Variants in RIPOR2 observed in about 807,000 individuals in gnomAD.
The protein encoded by RIPOR2 is rho family-interacting cell polarization regulator 2.
A neutral mutation model predicts 114.5 loss-of-function variants in RIPOR2; 39 were observed. The ratio of observed to expected loss-of-function variants is 0.34; its 90% CI spans 0.26 to 0.44. RIPOR2 has a LOEUF of 0.44. Ranked by LOEUF, RIPOR2 falls within the 20% of genes least tolerant of loss-of-function variation. The pLI is 1.00. For missense variants in RIPOR2, 1,007 were observed against 1,255.1 expected (o/e 0.80, Z 2.99); for synonymous variants, 445 against 484.4 (o/e 0.92, Z 1.07).
chr6:24,956,290 T>G (rs364555), intron 1 of RIPOR2, among the ~76,000 whole-genome samples: 120,762 of 152,090 alleles, frequency 0.79, 51,548 homozygotes, highest in East Asian at 0.96. Flanking sequence ...ATCATAAATA[T>G]TTTTGCATGA....
Position 24,828,180 on chromosome 6 carries a change from G to A in RIPOR2, c.2622C>T (p.Gly874=), listed in dbSNP as rs1164060866. The A allele has an allele frequency of 3.2e-6, 5 of 1,550,406 alleles. No individual in the cohort carries two copies. Among genetic ancestry groups the A allele is most frequent in the South Asian group, 1.2e-5 (1 of 83,968 alleles). Reference sequence around the variant, plus strand: ...TCAGGTAACTCTCCAGGTCACTGACGCCGTGGCTGGTGAAGTAACTGTAAT... The same window carrying A: ...TCAGGTAACTCTCCAGGTCACTGACACCGTGGCTGGTGAAGTAACTGTAAT... ...FQYYSYFTSH[G]VSDLESYLSQ... Residue 874 remains glycine, a synonymous_variant, in exon 18 of 22, where the codon GGC becomes GGT. Coordinates refer to ENST00000643898, the MANE Select transcript of RIPOR2 (RefSeq NM_001286445.3).
rs1271765846 is a variant in RIPOR2 at position 24,804,777 on chromosome 6, G to A, written c.*1596C>T. 6.6e-6 allele frequency: 1 copy of A among 152,156 alleles called. No homozygotes were observed. Among genetic ancestry groups the A allele is most frequent in the Non-Finnish European group, 1.5e-5 (1 of 68,026 alleles). 9.4% of individuals were successfully genotyped at this position (152,156 alleles called of 1,614,324 possible). A position where few individuals can be genotyped will look rare whatever the true frequency, so the allele number is the denominator to read the frequency against. ...ATGATACAAACACGTCCATAGTACAGTTGATATTCCACAGTTTAAATTACA... is the reference window on the plus strand; with the variant it reads ...ATGATACAAACACGTCCATAGTACAATTGATATTCCACAGTTTAAATTACA... On this transcript the variant is annotated 3_prime_UTR_variant, in exon 22 of 22. Transcript: ENST00000643898.
intron 1 of RIPOR2, among the ~76,000 whole-genome samples, chr6:24,895,775 G>A (rs6914059): frequency 0.034 from 5,116 of 152,208 alleles, 98 homozygotes; most frequent in African/African-American, 0.051. Context: ...TGGATCACGA[G>A]GTCAGGAGAT....
chr6:24,974,325 G>A (rs747297038), intron 1 of RIPOR2, among the ~76,000 whole-genome samples: 2 of 152,094 alleles, frequency 1.3e-5, no homozygotes, highest in African/African-American at 2.4e-5. Flanking sequence ...AGCCGTGATC[G>A]TGCCTCTGCA....
chr6:24,891,884 G>A (rs1024518489), intron 1 of RIPOR2, among the ~76,000 whole-genome samples: 7 of 151,932 alleles, frequency 4.6e-5, no homozygotes, highest in South Asian at 4.2e-4. Context: ...TTTGAGACAG[G>A]GTTTTGCTTT....
At chr6:25,012,546 AAAG>A (rs1775815965) in intron 1 of RIPOR2, among the ~76,000 whole-genome samples, 1 of 152,246 alleles carries the variant, frequency 6.6e-6, no homozygotes. Flanking sequence ...TTGTCTATAA[AAAG>A]GATGAAAGTA....
chr6:24,828,860 T>G (rs1760425177), intron 17 of RIPOR2, among the ~76,000 whole-genome samples: 1 of 152,176 alleles, frequency 6.6e-6, no homozygotes, highest in Admixed American at 6.5e-5. Flanking sequence ...ACTAACAATC[T>G]GACTTCTATC....
intron 1 of RIPOR2, among the ~76,000 whole-genome samples, chr6:24,935,426 A>G (rs1771729196): frequency 6.6e-6 from 1 of 151,990 alleles, no homozygotes; most frequent in African/African-American, 2.4e-5. Context: ...TCAAAGCAAC[A>G]TGGTACCATG....
chr6:24,880,257 A>G (rs1433778475), intron 1 of RIPOR2, among the ~76,000 whole-genome samples: 1 of 152,230 alleles, frequency 6.6e-6, no homozygotes, highest in Admixed American at 6.5e-5. Context: ...AGGAATGGTT[A>G]ACACTCAAAA....
intron 13 of RIPOR2, chr6:24,839,796 G>A: frequency 1.5e-6 from 2 of 1,367,454 alleles, no homozygotes. Context: ...CTAATTCCAA[G>A]TGGCAATGTC....
intron 1 of RIPOR2, among the ~76,000 whole-genome samples, chr6:24,887,388 T>C (rs1766932360): frequency 1.3e-5 from 2 of 152,204 alleles, no homozygotes; most frequent in Admixed American, 1.3e-4. Context: ...CTAATTTTTT[T>C]TATGAATAAA....
At chr6:24,980,696 A>G (rs773965272) in intron 1 of RIPOR2, among the ~76,000 whole-genome samples, 1 of 152,194 alleles carries the variant, frequency 6.6e-6, no homozygotes, top group Non-Finnish European at 1.5e-5. Flanking sequence ...GCAAGTGGGT[A>G]TAAAGGCAAG....
At position 24,842,890 on chromosome 6, in the gene RIPOR2, T is replaced by C. The variant is rs1251921410; in HGVS notation, c.1829A>G (p.Glu610Gly). ...TAGAATATCATCCAAATTCATGACT[T>C]CTTGGTTCAGATCCTGAAACTCTTT... ...QYKEFQDLNQEVMNLDDILKC... is the reference protein window; with the variant it reads ...QYKEFQDLNQGVMNLDDILKC... Residue 610 changes from glutamate to glycine, a missense_variant, in exon 13 of 22, where the codon GAA becomes GGA. Glu to Gly is a moderately conservative substitution (Grantham distance 98). Transcript: ENST00000643898. 6.9e-7 allele frequency: 1 copy of C among 1,458,132 alleles called. No individual in the cohort carries two copies. Among genetic ancestry groups the C allele is most frequent in the African/African-American group, 1.4e-5 (1 of 70,586 alleles). The allele number at this position is 1,458,132 out of a possible 1,614,324, so 90.3% of individuals were successfully genotyped here.
intron 1 of RIPOR2, among the ~76,000 whole-genome samples, chr6:24,920,352 A>T (rs1371891878): frequency 6.6e-6 from 1 of 152,220 alleles, no homozygotes; most frequent in Non-Finnish European, 1.5e-5. Flanking sequence ...GCATGTGAAG[A>T]TAAAGCATTC....
chr6:24,886,776 C>T (rs781557282), intron 1 of RIPOR2, among the ~76,000 whole-genome samples: 15 of 152,334 alleles, frequency 9.8e-5, no homozygotes, highest in Non-Finnish European at 1.6e-4. Context: ...GTTTCTCCTA[C>T]GGAAAGTTAC....
chr6:24,921,328 A>ATT (rs879468028), intron 1 of RIPOR2, among the ~76,000 whole-genome samples: 2,617 of 139,708 alleles, frequency 0.019, 64 homozygotes, highest in African/African-American at 0.065. Flanking sequence ...ACACCCAGCT[A>ATT]TTTTTTTTTT....
intron 1 of RIPOR2, among the ~76,000 whole-genome samples, chr6:24,968,921 A>C (rs1317269669): frequency 6.6e-6 from 1 of 152,164 alleles, no homozygotes; most frequent in African/African-American, 2.4e-5. Context: ...AACTGGCTAC[A>C]CCTTTCAGAG....
At position 24,806,384 on chromosome 6, in the gene RIPOR2, T is replaced by C. The variant is rs373913240; in HGVS notation, c.3133A>G (p.Thr1045Ala). The C allele has an allele frequency of 3.0e-4, 463 of 1,549,924 alleles. 1 individual carries two copies. The African/African-American group carries it at 5.5e-3, about 18-fold the overall frequency. ...CAGTTAACCTGTAATTAAAAGGCTG[T>C]GGCAACTTCAGTTCCATGACGACCT... The part of the protein sequence containing the change: ...VGGRHGTEVA[T>A]AF The change falls in exon 22 of 22, where the codon ACA becomes GCA. Residue 1045 changes from threonine to alanine, a missense_variant. Thr to Ala is a moderately conservative substitution (Grantham distance 58). Coordinates refer to ENST00000643898, the MANE Select transcript of RIPOR2 (RefSeq NM_001286445.3).
chr6:24,955,014 T>C (rs1392751183), intron 1 of RIPOR2, among the ~76,000 whole-genome samples: 1 of 152,166 alleles, frequency 6.6e-6, no homozygotes, highest in Non-Finnish European at 1.5e-5. Context: ...GTAGAACAGG[T>C]AATGACATAT....
Sources: gnomAD v4.1 joint callset for allele counts (sites outside exome capture counted in the v4.1 genomes callset) on GRCh38, gnomAD v4.1.1 for gene constraint, MANE v1.5 for transcripts, NCBI Gene and HGNC (gene_info 2026-07-23, HGNC 2026-07-21) for gene names.